MEF2A: variants seen among roughly 807,000 people sequenced by gnomAD.
The protein encoded by MEF2A is myocyte-specific enhancer factor 2A.
A neutral mutation model predicts 55.8 loss-of-function variants in MEF2A; 28 were observed. That is an observed-to-expected ratio of 0.50 (90% CI 0.37 to 0.69). The LOEUF (loss-of-function observed/expected upper bound fraction) is 0.69. MEF2A is among the 30% of genes least tolerant of loss of function. The probability of loss-of-function intolerance (pLI) is 0.00; values close to 1 mark genes in which losing one functional copy is unlikely to be tolerated. For synonymous variants in MEF2A, 239 were observed against 227.1 expected (o/e 1.05, Z -0.47); for missense variants, 528 against 626.2 (o/e 0.84, Z 1.67).
intron 7 of MEF2A, among the ~76,000 whole-genome samples, chr15:99,679,056 A>G (rs1475547831): frequency 6.6e-6 from 1 of 152,234 alleles, no homozygotes; most frequent in Non-Finnish European, 1.5e-5. Flanking sequence ...CACACCCACC[A>G]GAATTGCTAA....
At chr15:99,662,818 T>C (rs1428327933) in intron 4 of MEF2A, among the ~76,000 whole-genome samples, 1 of 152,214 alleles carries the variant, frequency 6.6e-6, no homozygotes, top group Non-Finnish European at 1.5e-5. Flanking sequence ...TTGCTTATAC[T>C]TATGCTAGAT....
At chr15:99,700,333 G>C (rs1406835495) in intron 8 of MEF2A, among the ~76,000 whole-genome samples, 1 of 149,374 alleles carries the variant, frequency 6.7e-6, no homozygotes, top group African/African-American at 2.5e-5. Context: ...CCAACATGGC[G>C]AAACCCCGTC....
chr15:99,615,914 G>T (rs1016296846), intron 2 of MEF2A, among the ~76,000 whole-genome samples: 1 of 152,206 alleles, frequency 6.6e-6, no homozygotes, highest in Admixed American at 6.5e-5. Context: ...GGCTGAGCAA[G>T]TAAGTGACTT....
chr15:99,602,642 G>A (rs1190241895), intron 2 of MEF2A, among the ~76,000 whole-genome samples: 2 of 145,748 alleles, frequency 1.4e-5, no homozygotes, highest in African/African-American at 2.6e-5. Context: ...GTGGTTGCCT[G>A]ACATTCCTGG....
At chr15:99,680,401 G>GTGA (rs1484787514) in intron 7 of MEF2A, among the ~76,000 whole-genome samples, 7 of 152,054 alleles carry the variant, frequency 4.6e-5, no homozygotes, top group Non-Finnish European at 1.0e-4. Context: ...ACTTTTTATT[G>GTGA]TGATATTCAG....
Position 99,675,391 on chromosome 15 carries a change from G to A in MEF2A, c.611-8G>A, listed in dbSNP as rs530865200. 973 of 1,613,472 alleles carry A rather than the reference G, an allele frequency of 6.0e-4. 12 individuals carry two copies. The South Asian group carries it at 9.9e-3, about 16-fold the overall frequency. On this transcript the variant is annotated splice_polypyrimidine_tract_variant and splice_region_variant and intron_variant, in intron 6 of 11. Coordinates refer to ENST00000557942, the MANE Select transcript of MEF2A (RefSeq NM_001319206.4). The stretch of plus-strand genomic sequence containing the variant: ...CTGCCCTCTGTCTTCTCTCCGTAAC[G>A]TTGTTAGGTGGGATGTTGAGCACTA...
At chr15:99,639,992 G>A (rs1342012822) in intron 3 of MEF2A, among the ~76,000 whole-genome samples, 1 of 152,038 alleles carries the variant, frequency 6.6e-6, no homozygotes, top group Non-Finnish European at 1.5e-5. Context: ...CTTTTATGAC[G>A]GGACTTACCA....
At chr15:99,664,564 G>GA (rs2049246429) in intron 4 of MEF2A, among the ~76,000 whole-genome samples, 1 of 152,080 alleles carries the variant, frequency 6.6e-6, no homozygotes, top group Non-Finnish European at 1.5e-5. Context: ...GAGAAAAGTG[G>GA]AAAAAAGATA....
At chr15:99,643,310 T>TACA (rs1320785584) in intron 3 of MEF2A, among the ~76,000 whole-genome samples, 1 of 152,200 alleles carries the variant, frequency 6.6e-6, no homozygotes, top group Non-Finnish European at 1.5e-5. Context: ...AATCTCTGTA[T>TACA]GACAACCAAA....
chr15:99,593,229 C>G (rs1429595630), intron 1 of MEF2A, among the ~76,000 whole-genome samples: 3 of 152,130 alleles, frequency 2.0e-5, no homozygotes, highest in African/African-American at 7.2e-5. Flanking sequence ...GAATTTTTAT[C>G]TGTCTCTTGT....
intron 1 of MEF2A, among the ~76,000 whole-genome samples, chr15:99,584,769 A>G (rs1966842738): frequency 6.6e-6 from 1 of 152,196 alleles, no homozygotes; most frequent in South Asian, 2.1e-4. Flanking sequence ...ATGGAATTAG[A>G]TAGTGGTGAG....
intron 3 of MEF2A, among the ~76,000 whole-genome samples, chr15:99,634,597 G>T (rs914676183): frequency 1.3e-5 from 2 of 152,176 alleles, no homozygotes; most frequent in Admixed American, 6.5e-5. Context: ...ATAGATAGTC[G>T]TGTTTAAATT....
intron 1 of MEF2A, 79 bp downstream of exon 1, chr15:99,566,183 A>T (rs1465178589): frequency 2.7e-5 from 2 of 74,774 alleles, no homozygotes; most frequent in African/African-American, 1.0e-4. Flanking sequence ...TAGGGGACCG[A>T]GTAGGGGTTG....
At chr15:99,652,795 AAAAGG>A (rs375180854) in intron 4 of MEF2A, among the ~76,000 whole-genome samples, 8 of 152,336 alleles carry the variant, frequency 5.3e-5, no homozygotes, top group African/African-American at 1.9e-4. Context: ...GAGTTGAAGA[AAAAGG>A]AAAAGAGGTA....
Position 99,583,641 on chromosome 15 carries a change from A to C in MEF2A, c.-224-14789A>C, listed in dbSNP as rs559053595. ...AGAGTAGGGCAAATAGAAACTTAGC[A>C]TTTGGGAAGTCACATCCTCAATCTG... is the stretch of plus-strand genomic sequence containing the variant. On this transcript the variant is annotated intron_variant, in intron 1 of 11. Coordinates refer to ENST00000557942, the MANE Select transcript of MEF2A (RefSeq NM_001319206.4). 1.1e-4 allele frequency among the ~76,000 whole-genome samples: 16 copies of C among 152,206 alleles called. 1 individual carries two copies. The highest frequency in any genetic ancestry group is 3.6e-4 in the African/African-American group (15 of 41,560).
chr15:99,599,219 A>G (rs1424734244), intron 2 of MEF2A, among the ~76,000 whole-genome samples: 2 of 152,148 alleles, frequency 1.3e-5, no homozygotes, highest in Non-Finnish European at 2.9e-5. Context: ...TAAAATGGAA[A>G]AGAAGTGAAT....
intron 2 of MEF2A, among the ~76,000 whole-genome samples, chr15:99,606,125 C>T (rs538452212): frequency 6.6e-6 from 1 of 152,172 alleles, no homozygotes; most frequent in Non-Finnish European, 1.5e-5. Context: ...CGGACACTTG[C>T]TTTATGACAA....
chr15:99,600,989 A>G (rs1464376085), intron 2 of MEF2A, among the ~76,000 whole-genome samples: 3 of 152,170 alleles, frequency 2.0e-5, no homozygotes, highest in Non-Finnish European at 2.9e-5. Context: ...AATTTGGGAG[A>G]ATTGACCTCT....
At chr15:99,630,561 G>T (rs1349444577) in intron 2 of MEF2A, among the ~76,000 whole-genome samples, 1 of 151,966 alleles carries the variant, frequency 6.6e-6, no homozygotes, top group South Asian at 2.1e-4. Flanking sequence ...TAAAAATCTT[G>T]GTTTCAGTTG....
Sources: allele counts gnomAD v4.1 joint callset (sites outside exome capture counted in the v4.1 genomes callset), GRCh38; gene constraint gnomAD v4.1.1; transcripts MANE v1.5; gene names NCBI Gene and HGNC (gene_info 2026-07-23, HGNC 2026-07-21).